Variants in CNGA3 observed in about 807,000 individuals in gnomAD.
The protein encoded by CNGA3 is cyclic nucleotide-gated channel alpha-3.
A neutral mutation model predicts 46.6 loss-of-function variants in CNGA3; 42 were observed. The ratio of observed to expected loss-of-function variants is 0.90; its 90% confidence interval spans 0.70 to 1.17. The LOEUF (loss-of-function observed/expected upper bound fraction) is 1.17, where lower values mean the gene tolerates loss of function less well. Ranked by LOEUF, CNGA3 falls within the 50% of genes most tolerant of loss-of-function variation. The pLI is 0.00. For missense variants in CNGA3, 893 were observed against 890.7 expected (o/e 1.00, Z -0.03); for synonymous variants, 394 against 369.4 (o/e 1.07, Z -0.76).
At chr2:98,387,162 G>A (rs984671727) in intron 5 of CNGA3, among the ~76,000 whole-genome samples, 4 of 152,168 alleles carry the variant, frequency 2.6e-5, no homozygotes, top group Non-Finnish European at 5.9e-5. Flanking sequence ...CTGAAACAGC[G>A]TTTTAAGTGG....
chr2:98,374,880 T>TG lies in CNGA3; in HGVS notation c.102-2807_102-2806insG, dbSNP rs1692369785. ...TTGCATCATGTAAGGATCTCCCTGT[T>TG]CTTCACGGCCAGTTGTGCCTTTCTG... On this transcript the variant is annotated intron_variant, in intron 2 of 7. Transcript: ENST00000272602. 2.0e-5 allele frequency among the ~76,000 whole-genome samples: 3 copies of TG among 152,264 alleles called. No homozygotes were observed. The East Asian group carries it at 5.8e-4, about 29-fold the overall frequency.
At chr2:98,378,140 C>G (rs780641093) in intron 3 of CNGA3, 3 of 1,550,768 alleles carry the variant, frequency 1.9e-6, no homozygotes, top group Middle Eastern at 1.7e-4. Context: ...TGGGTGGACA[C>G]AGTGGTGTGC....
chr2:98,362,273 G>A (rs1213648596), intron 1 of CNGA3, among the ~76,000 whole-genome samples: 5 of 143,424 alleles, frequency 3.5e-5, no homozygotes, highest in Admixed American at 7.5e-5. Context: ...TCTGCCTCCC[G>A]GGTTCAAGTG....
At chr2:98,375,613 T>C (rs1692386994) in intron 2 of CNGA3, among the ~76,000 whole-genome samples, 1 of 151,802 alleles carries the variant, frequency 6.6e-6, no homozygotes, top group Non-Finnish European at 1.5e-5. Flanking sequence ...GAGATGAGAG[T>C]GGGTTTCTTA....
chr2:98,397,416 A>T lies in CNGA3; in HGVS notation c.*161A>T. ...AGAGAACCTGTTTCTTCACCTAAAAAATGGGACTTTTTGTCTCAGTCCCAG... is the reference window on the plus strand; with the variant it reads ...AGAGAACCTGTTTCTTCACCTAAAATATGGGACTTTTTGTCTCAGTCCCAG... On this transcript the variant is annotated 3_prime_UTR_variant, in exon 8 of 8. Transcript: ENST00000272602. 2 of 758,750 alleles carry T rather than the reference A, an allele frequency of 2.6e-6. No individual in the cohort carries two copies. Among genetic ancestry groups the T allele is most frequent in the Non-Finnish European group, 2.2e-6 (1 of 457,562 alleles). 47.0% of individuals were successfully genotyped at this position (758,750 alleles called of 1,614,324 possible). A position where few individuals can be genotyped will look rare whatever the true frequency, so the allele number is the denominator to read the frequency against.
intron 2 of CNGA3, 129 bp from the exon 3 acceptor site, chr2:98,377,558 C>T: frequency 1.2e-6 from 1 of 862,212 alleles, no homozygotes; most frequent in South Asian, 1.5e-5. Context: ...GTGGGGAGCC[C>T]CTGGGATGAG....
At chr2:98,370,459 A>C (rs779935402) in intron 2 of CNGA3, among the ~76,000 whole-genome samples, 10 of 152,236 alleles carry the variant, frequency 6.6e-5, no homozygotes, top group Admixed American at 1.3e-4. Flanking sequence ...CTGGGTTTGC[A>C]GTCTGAGCTG....
intron 1 of CNGA3, among the ~76,000 whole-genome samples, chr2:98,354,458 G>A (rs1172012828): frequency 6.6e-6 from 1 of 150,554 alleles, no homozygotes; most frequent in Non-Finnish European, 1.5e-5. Flanking sequence ...TTTGACTTTT[G>A]TTATTGAGTT....
intron 2 of CNGA3, 27 bp downstream of exon 2, chr2:98,370,103 A>G (rs777792159): frequency 1.3e-6 from 2 of 1,541,266 alleles, no homozygotes; most frequent in Non-Finnish European, 1.8e-6. Flanking sequence ...TGGGCTTTTC[A>G]TTTTATGCCT....
At position 98,347,602 on chromosome 2, in the gene CNGA3, C is replaced by G. The variant is rs374987728; in HGVS notation, c.-38+1068C>G. 3.0e-3 allele frequency among the ~76,000 whole-genome samples: 464 copies of G among 152,312 alleles called. 1 individual carries two copies. Among genetic ancestry groups the G allele is most frequent in the African/African-American group, 0.01 (428 of 41,582 alleles). On this transcript the variant is annotated intron_variant, in intron 1 of 7. Transcript: ENST00000272602. The stretch of plus-strand genomic sequence containing the variant: ...CGCTGGAACCTAGAGGACCTGGAGC[C>G]GGCGCCCCGGCCTCTTTGGCCTGAA...
rs750409034 is a variant in CNGA3, at chr2:98,377,772, G to A, written c.187G>A (p.Gly63Ser). The change falls in exon 3 of 8, where the codon GGC (glycine) becomes AGC (serine). Residue 63 changes from glycine to serine, a missense_variant. Gly to Ser is a moderately conservative substitution (Grantham distance 56). Around this residue, in one of 3 missense-constraint regions of CNGA3, gnomAD observed 333 missense variants for 290.8 expected, o/e 1.15. Transcript: ENST00000272602. Reference sequence around the variant, plus strand: ...CAGAGGACTGGCTGACTCCGGGCAGGGCTCCTTCACCGGCCAGGGGATCGC... The same window carrying A: ...CAGAGGACTGGCTGACTCCGGGCAGAGCTCCTTCACCGGCCAGGGGATCGC... ...ETRGLADSGQ[G>S]SFTGQGIARL... The A allele has an allele frequency of 1.6e-5, 26 of 1,612,114 alleles. No homozygotes were observed. The highest frequency in any genetic ancestry group is 1.9e-5 in the Non-Finnish European group (23 of 1,179,882).
chr2:98,380,175 G>A lies in CNGA3; in HGVS notation c.216G>A (p.Arg72=). Reference sequence around the variant, plus strand: ...GCTCAGTGCTTGTGTCACCTTCCAGGCTGTCGCGCCTCATCTTCTTGCTGC... The same window carrying A: ...GCTCAGTGCTTGTGTCACCTTCCAGACTGTCGCGCCTCATCTTCTTGCTGC... ...QGSFTGQGIA[R]LSRLIFLLRR... The change falls in exon 4 of 8, where the codon AGG becomes AGA. Residue 72 remains arginine (R), a splice_region_variant and synonymous_variant. Coordinates refer to ENST00000272602, the MANE Select transcript of CNGA3 (RefSeq NM_001298.3). The A allele has an allele frequency of 6.2e-7, 1 of 1,614,088 alleles. No homozygotes were observed. The highest frequency in any genetic ancestry group is 8.5e-7 in the Non-Finnish European group (1 of 1,180,036).
chr2:98,360,994 T>G (rs1224729793), intron 1 of CNGA3, among the ~76,000 whole-genome samples: 2 of 150,056 alleles, frequency 1.3e-5, no homozygotes, highest in Non-Finnish European at 3.0e-5. Flanking sequence ...GTGTTATTTT[T>G]ATTTTTATTT....
intron 1 of CNGA3, among the ~76,000 whole-genome samples, chr2:98,356,712 T>C (rs1367820949): frequency 6.6e-6 from 1 of 152,142 alleles, no homozygotes; most frequent in Non-Finnish European, 1.5e-5. Flanking sequence ...AGTTTTGATG[T>C]TCAGGTCACA....
chr2:98,351,720 G>A (rs1260255271), intron 1 of CNGA3, among the ~76,000 whole-genome samples: 2 of 152,112 alleles, frequency 1.3e-5, no homozygotes, highest in Non-Finnish European at 2.9e-5. Context: ...CCTCAAAAAT[G>A]TGATGGTCAT....
At chr2:98,373,603 A>C (rs1409990151) in intron 2 of CNGA3, among the ~76,000 whole-genome samples, 1 of 152,226 alleles carries the variant, frequency 6.6e-6, no homozygotes, top group African/African-American at 2.4e-5. Flanking sequence ...GGAAGAATGA[A>C]AACATTTCAT....
At chr2:98,361,637 C>G (rs573431404) in intron 1 of CNGA3, among the ~76,000 whole-genome samples, 1 of 152,034 alleles carries the variant, frequency 6.6e-6, no homozygotes, top group South Asian at 2.1e-4. Flanking sequence ...CTAACTTACA[C>G]TCCCACCAAC....
intron 1 of CNGA3, among the ~76,000 whole-genome samples, chr2:98,369,000 T>C (rs2104172337): frequency 6.6e-6 from 1 of 152,308 alleles, no homozygotes; most frequent in East Asian, 1.9e-4. Context: ...ACTGGGGAAG[T>C]TGCGAATCTT....
At chr2:98,374,790 G>A (rs1205265055) in intron 2 of CNGA3, among the ~76,000 whole-genome samples, 2 of 152,224 alleles carry the variant, frequency 1.3e-5, no homozygotes, top group Non-Finnish European at 2.9e-5. Flanking sequence ...GGAATTTCAG[G>A]CATTGAGAAG....
Sources: allele counts gnomAD v4.1 joint callset (sites outside exome capture counted in the v4.1 genomes callset), GRCh38; gene constraint gnomAD v4.1.1; regional missense constraint gnomAD v4.1.1; transcripts MANE v1.5; gene names NCBI Gene and HGNC (gene_info 2026-07-23, HGNC 2026-07-21).